MADD: variants seen among roughly 807,000 people sequenced by gnomAD.
MADD encodes the protein MAP kinase activating death domain, also known as MAP kinase-activating death domain protein.
A neutral mutation model predicts 176.7 loss-of-function variants in MADD; 109 were observed. That is an observed-to-expected ratio of 0.62 (90% CI 0.53 to 0.72). The LOEUF (loss-of-function observed/expected upper bound fraction) is 0.72. Among genes scored for constraint, MADD ranks in the 30% least tolerant of loss-of-function variants. MADD has a pLI of 0.00. For synonymous variants in MADD, 771 were observed against 771.3 expected, an observed-to-expected ratio of 1.00 and a Z score of 0.01; for missense variants, 1,914 against 2,045.5, an observed-to-expected ratio of 0.94 and a Z score of 1.24.
chr11:47,303,579 A>G (rs993333727), intron 22 of MADD, among the ~76,000 whole-genome samples: 4 of 143,658 alleles, frequency 2.8e-5, no homozygotes, highest in African/African-American at 1.0e-4. Context: ...ACTTTTGACA[A>G]TTTGACTGTA....
intron 27 of MADD, among the ~76,000 whole-genome samples, chr11:47,320,959 T>C (rs1219023160): frequency 6.6e-6 from 1 of 152,098 alleles, no homozygotes; most frequent in Non-Finnish European, 1.5e-5. Context: ...TCATTGAATA[T>C]CCTTGAACAT....
intron 19 of MADD, among the ~76,000 whole-genome samples, chr11:47,291,024 G>A (rs2138571113): frequency 6.6e-6 from 1 of 152,032 alleles, no homozygotes; most frequent in East Asian, 1.9e-4. Context: ...CCGTATCTTA[G>A]ATGAAGAATG....
Position 47,328,723 on chromosome 11 carries a change from C to G in MADD, c.4659+19C>G, listed in dbSNP as rs776408987. The G allele has an allele frequency of 9.3e-6, 15 of 1,613,982 alleles. No individual in the cohort carries two copies. The highest frequency in any genetic ancestry group is 1.2e-5 in the Non-Finnish European group (14 of 1,179,996). Reference sequence around the variant, plus strand: ...ACCAATGGTGAGTGTGCCGCTCAACCCTGATGGGCCACGGTGCGCAGGGCT... The same window carrying G: ...ACCAATGGTGAGTGTGCCGCTCAACGCTGATGGGCCACGGTGCGCAGGGCT... On this transcript the variant is annotated intron_variant, in intron 32 of 32. Transcript: ENST00000402192.
chr11:47,302,275 G>T lies in MADD; in HGVS notation c.3642+6220G>T, dbSNP rs185216243. ...GTCGCCCAGGCTGGAGTGCAGTGGC[G>T]CAATCTCCGCTCACTGCAACCTCCA... is the stretch of plus-strand genomic sequence containing the variant. On this transcript the variant is annotated intron_variant, in intron 22 of 32. Coordinates refer to ENST00000402192, the Ensembl canonical transcript of MADD. Among the ~76,000 whole-genome samples the T allele has an allele frequency of 3.9e-5, 6 of 152,110 alleles. No individual in the cohort carries two copies. In the East Asian group the frequency reaches 1.2e-3, roughly 29 times the overall value.
chr11:47,328,367 T>TAA (rs1396889023), intron 31 of MADD: 2 of 1,342,658 alleles, frequency 1.5e-6, no homozygotes, highest in Admixed American at 6.4e-5. Flanking sequence ...GGCCCGTCCC[T>TAA]CCCATCCAGG....
At chr11:47,304,015 A>T (rs1393203319) in intron 22 of MADD, among the ~76,000 whole-genome samples, 1 of 152,114 alleles carries the variant, frequency 6.6e-6, no homozygotes, top group Non-Finnish European at 1.5e-5. Context: ...TTATTTCATT[A>T]AATAAGTTTT....
chr11:47,328,698 A>G, exon 32 of MADD: 2 of 1,614,174 alleles, frequency 1.2e-6, no homozygotes, highest in South Asian at 1.1e-5. Flanking sequence ...AGTACAAGAC[A>G]CCAATGGTGA....
At chr11:47,286,730 C>T (rs867668053) in intron 15 of MADD, among the ~76,000 whole-genome samples, 196 bp downstream of exon 15, 17 of 152,156 alleles carry the variant, frequency 1.1e-4, no homozygotes, top group Middle Eastern at 3.2e-3. Flanking sequence ...CTAGAGACGG[C>T]CCTGTTATGT....
chr11:47,308,597 G>A (rs2085135401), exon 23 of MADD: 1 of 1,613,546 alleles, frequency 6.2e-7, no homozygotes, highest in Non-Finnish European at 8.5e-7. Context: ...CTAGGGTAAA[G>A]CCCACAGCTT....
intron 28 of MADD, 91 bp from the exon 32 acceptor site, chr11:47,324,174 C>T: frequency 8.4e-7 from 1 of 1,191,208 alleles, no homozygotes; most frequent in Admixed American, 2.0e-5. Context: ...CCCCTCACTT[C>T]AACCTCCAGC....
chr11:47,308,844 C>T (rs1334831057), intron 23 of MADD, 136 bp from the exon 26 acceptor site: 2 of 1,028,474 alleles, frequency 1.9e-6, no homozygotes, highest in East Asian at 2.4e-5. Context: ...AAGCAAGCGA[C>T]TTACTGGGTC....
intron 23 of MADD, 56 bp from the exon 26 acceptor site, chr11:47,308,924 G>A: frequency 6.5e-7 from 1 of 1,536,244 alleles, no homozygotes; most frequent in Non-Finnish European, 9.0e-7. Context: ...TTGCCTTTCT[G>A]TCTTCCTTTC....
At chr11:47,302,458 C>T (rs758695629) in intron 22 of MADD, among the ~76,000 whole-genome samples, 5 of 152,168 alleles carry the variant, frequency 3.3e-5, no homozygotes, top group African/African-American at 4.8e-5. Context: ...GTGATCTGCC[C>T]GCTTCGGCCT....
chr11:47,323,898 C>A, intron 28 of MADD, 63 bp downstream of exon 31: 1 of 1,549,448 alleles, frequency 6.5e-7, no homozygotes, highest in Non-Finnish European at 8.8e-7. Flanking sequence ...GTGAATTTCT[C>A]TTTGGGAAGT....
rs766185476 is a variant in MADD, at chr11:47,315,205, T to C, written c.4090-15T>C. 1.3e-5 allele frequency: 21 copies of C among 1,561,014 alleles called. No individual in the cohort carries two copies. Among genetic ancestry groups the C allele is most frequent in the Non-Finnish European group, 1.9e-5 (21 of 1,132,360 alleles). On this transcript the variant is annotated splice_polypyrimidine_tract_variant and intron_variant, in intron 26 of 32. Coordinates refer to ENST00000402192, the Ensembl canonical transcript of MADD. ...GGGATGTATGACTGTCCCTAAAAAA[T>C]CTCTCTTTCATCAGAATGGACGCGA...
At chr11:47,291,541 G>A (rs748841207) in intron 19 of MADD, among the ~76,000 whole-genome samples, 15 of 152,106 alleles carry the variant, frequency 9.9e-5, no homozygotes, top group Non-Finnish European at 1.9e-4. Flanking sequence ...CATTGCCATG[G>A]CCATTAGCAG....
rs560011981 is a variant in MADD at position 47,289,696 on chromosome 11, G to A, written c.2757-171G>A. Among the ~76,000 whole-genome samples the A allele has an allele frequency of 5.3e-5, 8 of 152,290 alleles. No homozygotes were observed. The South Asian group carries it at 1.5e-3, about 28-fold the overall frequency. ...TGAGGGGGGTTAATCAGCAGCGGTG[G>A]GTATTTGGACAAATCGCGTGCTCCA... On this transcript the variant is annotated intron_variant, in intron 16 of 32. Coordinates refer to ENST00000402192, the Ensembl canonical transcript of MADD.
chr11:47,276,177 TAA>T lies in MADD; in HGVS notation c.939_940del (p.Thr314LeufsTer78). 1 of 1,612,236 alleles carries T rather than the reference TAA, an allele frequency of 6.2e-7. No individual in the cohort carries two copies. Among genetic ancestry groups the T allele is most frequent in the Non-Finnish European group, 8.5e-7 (1 of 1,178,514 alleles). ...GGTGTGGACGCCTGTCTCCAGGTGCTAACCTGCATTCTGTTAGAGCACAAGGT... is the reference window on the plus strand; with the variant it reads ...GGTGTGGACGCCTGTCTCCAGGTGCTCCTGCATTCTGTTAGAGCACAAGGT... On this transcript the variant is annotated frameshift_variant, in exon 4 of 33. Coordinates refer to ENST00000402192, the Ensembl canonical transcript of MADD. LOFTEE classifies it high-confidence loss of function.
intron 22 of MADD, among the ~76,000 whole-genome samples, chr11:47,304,584 G>GTTTGT (rs1467170276): frequency 6.6e-6 from 1 of 151,722 alleles, no homozygotes; most frequent in East Asian, 1.9e-4. Context: ...CAAGATTTCT[G>GTTTGT]TTTTTTTGTT....
Sources: allele counts gnomAD v4.1 joint callset (sites outside exome capture counted in the v4.1 genomes callset), GRCh38; gene constraint gnomAD v4.1.1; transcripts MANE v1.5; gene names NCBI Gene and HGNC (gene_info 2026-07-23, HGNC 2026-07-21).